The following TYW1B variants were observed in gnomAD, a reference collection of about 807,000 sequenced individuals.
TYW1B encodes S-adenosyl-L-methionine-dependent tRNA 4-demethylwyosine synthase TYW1B.
In TYW1B, 73 loss-of-function variants were observed where a neutral mutation model predicts 86.9. That is an observed-to-expected ratio of 0.84 (90% CI 0.70 to 1.02). TYW1B has a LOEUF of 1.02. TYW1B is among the 50% of genes least tolerant of loss of function. The pLI is 0.00. For missense variants in TYW1B, 637 were observed against 827.4 expected (o/e 0.77, Z 2.82); for synonymous variants, 248 against 292.8 (o/e 0.85, Z 1.56).
At chr7:72,706,002 A>G (rs1362271230) in intron 10 of TYW1B, among the ~76,000 whole-genome samples, 4 of 152,242 alleles carry the variant, frequency 2.6e-5, no homozygotes, top group Non-Finnish European at 4.4e-5. Flanking sequence ...CAGATGGTAC[A>G]GTGTTCTGGA....
intron 3 of TYW1B, among the ~76,000 whole-genome samples, chr7:72,811,611 T>C (rs1554478262): frequency 2.0e-5 from 3 of 151,988 alleles, no homozygotes; most frequent in African/African-American, 4.8e-5. Flanking sequence ...TGAATATCCA[T>C]ATCAAGGCAG....
chr7:72,674,788 G>A (rs1443979826), intron 11 of TYW1B, among the ~76,000 whole-genome samples: 15 of 147,026 alleles, frequency 1.0e-4, no homozygotes, highest in Non-Finnish European at 1.6e-4. Context: ...AAAGAGATGG[G>A]GTCTTGCCAT....
At chr7:72,657,726 C>T (rs111567878) in intron 11 of TYW1B, among the ~76,000 whole-genome samples, 10,308 of 116,556 alleles carry the variant, frequency 0.088, no homozygotes, top group African/African-American at 0.15. Flanking sequence ...AAAAATACTA[C>T]ATCCAGCAAA....
chr7:72,616,836 C>A lies in TYW1B; in HGVS notation c.1621G>T (p.Val541Phe), dbSNP rs782342055. ...GNPDFIEVKGVTYCRESSASS... is the reference protein window; with the variant it reads ...GNPDFIEVKGFTYCRESSASS... The stretch of plus-strand genomic sequence containing the variant: ...GCTGAACTTTCTCTGCAGTAGGTAA[C>A]GCCCTGTGGAAACAGTATAACCATC... Residue 541 changes from valine to phenylalanine, a missense_variant, in exon 13 of 14, where the codon GTT becomes TTT. Physicochemically the swap from Val to Phe is conservative, Grantham distance 50. Coordinates refer to ENST00000620995, the MANE Select transcript of TYW1B (RefSeq NM_001145440.3). The A allele has an allele frequency of 2.2e-5, 36 of 1,614,052 alleles. No individual in the cohort carries two copies. The East Asian group carries it at 6.9e-4, about 31-fold the overall frequency.
intron 11 of TYW1B, among the ~76,000 whole-genome samples, chr7:72,632,340 T>C (rs1266546530): frequency 3.3e-5 from 4 of 121,596 alleles, no homozygotes; most frequent in African/African-American, 1.4e-4. Flanking sequence ...TATACACGTA[T>C]ATATATTATA....
In TYW1B at chr7:72,598,494, A is replaced by G. The variant is rs372911753; in HGVS notation, c.1785+18178T>C. On this transcript the variant is annotated intron_variant, in intron 13 of 13. Coordinates refer to ENST00000620995, the MANE Select transcript of TYW1B (RefSeq NM_001145440.3). ...GAAAAGTTGTACAGAAAAGGGAGAG[A>G]TGACAGGAAGAGTGGAGGTGTCTTG... Among the ~76,000 whole-genome samples the G allele has an allele frequency of 5.3e-3, 802 of 152,200 alleles. 9 individuals are homozygous for G. The highest frequency in any genetic ancestry group is 0.018 in the African/African-American group (735 of 41,486).
At chr7:72,584,523 T>C (rs1312196814) in intron 13 of TYW1B, among the ~76,000 whole-genome samples, 1 of 151,922 alleles carries the variant, frequency 6.6e-6, no homozygotes, top group Non-Finnish European at 1.5e-5. Context: ...TGGCACAATC[T>C]TGGCTCACTG....
intron 8 of TYW1B, among the ~76,000 whole-genome samples, chr7:72,740,420 G>C (rs1301287354): frequency 6.9e-6 from 1 of 144,678 alleles, no homozygotes; most frequent in Non-Finnish European, 1.5e-5. Context: ...AAAAAAAAGC[G>C]AAAGAAATGT....
At chr7:72,663,768 A>G in intron 11 of TYW1B, among the ~76,000 whole-genome samples, 1 of 149,836 alleles carries the variant, frequency 6.7e-6, no homozygotes, top group African/African-American at 2.4e-5. Context: ...TCTCAAAAAA[A>G]AAAAAAAAAA....
intron 9 of TYW1B, among the ~76,000 whole-genome samples, chr7:72,717,285 G>C (rs1786808010): frequency 6.6e-6 from 1 of 151,068 alleles, no homozygotes; most frequent in Non-Finnish European, 1.5e-5. Flanking sequence ...TGGGCAACAG[G>C]GCAAGACCCT....
intron 7 of TYW1B, among the ~76,000 whole-genome samples, chr7:72,766,977 T>C (rs1312565140): frequency 2.0e-5 from 3 of 152,102 alleles, no homozygotes; most frequent in African/African-American, 4.8e-5. Context: ...CAGTCATGCT[T>C]TCTGAAAAAG....
chr7:72,750,299 T>G (rs13237874), intron 7 of TYW1B, among the ~76,000 whole-genome samples: 8,552 of 152,268 alleles, frequency 0.056, 563 homozygotes, highest in East Asian at 0.33. Flanking sequence ...ATGCCATTAT[T>G]CATCCTTCAT....
intron 11 of TYW1B, among the ~76,000 whole-genome samples, chr7:72,645,007 T>G (rs1188052797): frequency 6.6e-6 from 1 of 152,112 alleles, no homozygotes; most frequent in Non-Finnish European, 1.5e-5. Context: ...TTTTGTATTT[T>G]TAGTAGAGAT....
intron 13 of TYW1B, among the ~76,000 whole-genome samples, chr7:72,613,319 A>T (rs139337383): frequency 0.012 from 1,865 of 152,176 alleles, 36 homozygotes; most frequent in African/African-American, 0.042. Flanking sequence ...AGCAAAGAAG[A>T]ATATCTGACA....
At chr7:72,678,378 C>T (rs1295677046) in intron 11 of TYW1B, among the ~76,000 whole-genome samples, 1 of 152,072 alleles carries the variant, frequency 6.6e-6, no homozygotes, top group Non-Finnish European at 1.5e-5. Flanking sequence ...AGAAAACAAA[C>T]CATATCAACA....
Position 72,722,193 on chromosome 7 carries a change from T to C in TYW1B, c.1192+6629A>G, listed in dbSNP as rs187903827. Among the ~76,000 whole-genome samples, 495 of 152,322 alleles carry C rather than the reference T, an allele frequency of 3.2e-3. 2 individuals carry two copies. The highest frequency in any genetic ancestry group is 0.011 in the African/African-American group (451 of 41,566). Reference sequence around the variant, plus strand: ...CTTCCCCACCTTCACATTTTCTTTATGATGTGTATGTTAGCATACCTAGCT... The same window carrying C: ...CTTCCCCACCTTCACATTTTCTTTACGATGTGTATGTTAGCATACCTAGCT... On this transcript the variant is annotated intron_variant, in intron 9 of 13. Transcript: ENST00000620995.
rs140913561 is a variant in TYW1B at position 72,820,980 on chromosome 7, T to C, written c.136-5499A>G. On this transcript the variant is annotated intron_variant, in intron 2 of 13. Coordinates refer to ENST00000620995, the MANE Select transcript of TYW1B (RefSeq NM_001145440.3). ...AATTCGCACACTTAGATTTTTTTTG[T>C]TGTTGTTGTTGAGACAAGGTTTCAC... 3.9e-4 allele frequency among the ~76,000 whole-genome samples: 59 copies of C among 152,280 alleles called. 2 individuals are homozygous for C. The East Asian group carries it at 9.1e-3, about 23-fold the overall frequency.
rs1554479242 is a variant in TYW1B, at chr7:72,815,442, C to A, written c.175G>T (p.Asp59Tyr). 6.2e-7 allele frequency: 1 copy of A among 1,610,610 alleles called. No homozygotes were observed. The highest frequency in any genetic ancestry group is 1.1e-5 in the South Asian group (1 of 89,706). ...TVLAEAVTSL[D>Y]LPVAIINLKE... ...AGATTAATAATGGCCACAGGCAGATCCAGGGACGTAACTGCTTCAGCAAGA... is the reference window on the plus strand; with the variant it reads ...AGATTAATAATGGCCACAGGCAGATACAGGGACGTAACTGCTTCAGCAAGA... The change falls in exon 3 of 14, where the codon GAT becomes TAT. Residue 59 changes from aspartate to tyrosine, a missense_variant. Physicochemically the swap from Asp to Tyr is radical, Grantham distance 160 (BLOSUM62 -3). Coordinates refer to ENST00000620995, the MANE Select transcript of TYW1B (RefSeq NM_001145440.3).
chr7:72,655,691 T>A (rs1362511960), intron 11 of TYW1B, among the ~76,000 whole-genome samples: 1 of 152,134 alleles, frequency 6.6e-6, no homozygotes, highest in Non-Finnish European at 1.5e-5. Flanking sequence ...GGGAGCTACC[T>A]GCCTAGGGCC....
Sources: gnomAD v4.1 joint callset for allele counts (sites outside exome capture counted in the v4.1 genomes callset) on GRCh38, gnomAD v4.1.1 for gene constraint, MANE v1.5 for transcripts, NCBI Gene and HGNC (gene_info 2026-07-23, HGNC 2026-07-21) for gene names.